The following ANGPTL5 variants were observed in gnomAD, a reference collection of about 807,000 sequenced individuals.
ANGPTL5 encodes angiopoietin like 5, also known as angiopoietin-related protein 5.
ANGPTL5 carries 34 observed loss-of-function variants against 39.4 expected under a neutral mutation model. The observed-to-expected ratio is 0.86, with a 90% CI of 0.66 to 1.15. ANGPTL5 has a LOEUF of 1.15. Among genes scored for constraint, ANGPTL5 ranks in the 50% most tolerant of loss-of-function variants. ANGPTL5 has a pLI of 0.00. For missense variants in ANGPTL5, 467 were observed against 457.5 expected, an observed-to-expected ratio of 1.02 and a Z score of -0.19; for synonymous variants, 146 against 152.1, an observed-to-expected ratio of 0.96 and a Z score of 0.29.
intron 1 of ANGPTL5, chr11:101,915,118 A>T (rs1940171435): frequency 3.0e-6 from 3 of 1,016,712 alleles, no homozygotes; most frequent in Admixed American, 2.9e-5. Flanking sequence ...TACAGGCACC[A>T]GTGCCGCTGC....
chr11:101,896,235 T>C (rs958163338), intron 7 of ANGPTL5, among the ~76,000 whole-genome samples: 4 of 151,872 alleles, frequency 2.6e-5, no homozygotes, highest in Non-Finnish European at 5.9e-5. Context: ...CAGGCTACGG[T>C]GCAGTAGTGC....
intron 8 of ANGPTL5, among the ~76,000 whole-genome samples, chr11:101,893,580 G>C (rs1000039510): frequency 6.6e-6 from 1 of 152,116 alleles, no homozygotes; most frequent in African/African-American, 2.4e-5. Flanking sequence ...AAAAACTTTT[G>C]CCATTATCAA....
chr11:101,898,902 C>G (rs1939844998), intron 7 of ANGPTL5, among the ~76,000 whole-genome samples: 1 of 152,138 alleles, frequency 6.6e-6, no homozygotes, highest in South Asian at 2.1e-4. Context: ...TTGAGATAAT[C>G]ATGTAATTTT....
chr11:101,893,530 G>T (rs1056499870), intron 8 of ANGPTL5, among the ~76,000 whole-genome samples: 1 of 152,178 alleles, frequency 6.6e-6, no homozygotes, highest in Non-Finnish European at 1.5e-5. Context: ...TTGGGAAAAT[G>T]TAGAGTACAG....
At chr11:101,909,927 C>A (rs1019985875) in intron 1 of ANGPTL5, among the ~76,000 whole-genome samples, 1 of 152,094 alleles carries the variant, frequency 6.6e-6, no homozygotes, top group African/African-American at 2.4e-5. Context: ...TCAGAGTATA[C>A]CCAAATAAGA....
chr11:101,912,838 T>C (rs369245487), intron 1 of ANGPTL5, among the ~76,000 whole-genome samples: 1 of 152,144 alleles, frequency 6.6e-6, no homozygotes, highest in Non-Finnish European at 1.5e-5. Flanking sequence ...TTGGACACAA[T>C]TGACCAGGAT....
Position 101,890,678 on chromosome 11 carries a change from G to A in ANGPTL5, c.*601C>T, listed in dbSNP as rs1166899856. On this transcript the variant is annotated 3_prime_UTR_variant, in exon 9 of 9. Transcript: ENST00000334289. ...CGTATTTTAGAATGCAGCTGATCAG[G>A]ATATAAAAGTACATATATTTATTAC... The A allele has an allele frequency of 1.3e-5, 2 of 152,268 alleles. No individual in the cohort carries two copies. The highest frequency in any genetic ancestry group is 2.9e-5 in the Non-Finnish European group (2 of 68,142). 9.4% of individuals were successfully genotyped at this position (152,268 alleles called of 1,614,324 possible). A position where few individuals can be genotyped will look rare whatever the true frequency, so the allele number is the denominator to read the frequency against.
chr11:101,911,404 G>T (rs180888225), intron 1 of ANGPTL5, among the ~76,000 whole-genome samples: 73 of 152,090 alleles, frequency 4.8e-4, no homozygotes, highest in African/African-American at 1.5e-3. Context: ...GATTACAGGC[G>T]TGAGCCACCA....
chr11:101,907,461 C>T (rs941960319), intron 2 of ANGPTL5, among the ~76,000 whole-genome samples: 1 of 151,950 alleles, frequency 6.6e-6, no homozygotes, highest in Non-Finnish European at 1.5e-5. Flanking sequence ...TCCTGGGTAG[C>T]CACTCACAGG....
chr11:101,907,922 T>G lies in ANGPTL5; in HGVS notation c.-13A>C. On this transcript the variant is annotated 5_prime_UTR_variant, in exon 2 of 9. Transcript: ENST00000334289. ...ATGGAGACATCATATTTTTCTTGGA[T>G]AGATGAAAACACTTCTTCAAATATC... 6.5e-7 allele frequency: 1 copy of G among 1,545,250 alleles called. No homozygotes were observed. The highest frequency in any genetic ancestry group is 8.9e-7 in the Non-Finnish European group (1 of 1,118,302).
In ANGPTL5 at chr11:101,904,886, CT is replaced by C; in HGVS notation, c.366del (p.Val123PhefsTer4). ...LSNQVNELMNRVLLLTTEVFR... is the reference protein window; with the variant it reads ...LSNQVNELMNXVLLLTTEVFR... ...AAAACTTCTGTAGTCAAAAGGAGAA[CT>C]CTATTCATGAGCTCGTTAACCTAAA... On this transcript the variant is annotated frameshift_variant, in exon 5 of 9. Coordinates refer to ENST00000334289, the MANE Select transcript of ANGPTL5 (RefSeq NM_178127.5). LOFTEE classifies it high-confidence loss of function. 6.2e-7 allele frequency: 1 copy of C among 1,613,374 alleles called. No homozygotes were observed. Among genetic ancestry groups the C allele is most frequent in the Non-Finnish European group, 8.5e-7 (1 of 1,179,454 alleles).
intron 8 of ANGPTL5, among the ~76,000 whole-genome samples, chr11:101,891,826 C>A (rs894239790): frequency 2.0e-4 from 30 of 152,170 alleles, no homozygotes; most frequent in African/African-American, 6.5e-4. Context: ...ATATAAAAGT[C>A]ACAGTCCAAA....
chr11:101,910,137 G>A (rs924669932), intron 1 of ANGPTL5, among the ~76,000 whole-genome samples: 11 of 152,008 alleles, frequency 7.2e-5, no homozygotes, highest in African/African-American at 1.9e-4. Context: ...CAGGCTGGGC[G>A]CGGTGGCTCA....
chr11:101,908,922 T>G (rs1940046679), intron 1 of ANGPTL5, among the ~76,000 whole-genome samples: 1 of 152,150 alleles, frequency 6.6e-6, no homozygotes, highest in African/African-American at 2.4e-5. Context: ...GACCACTCTT[T>G]GAAGGTTGAT....
chr11:101,915,988 T>C (rs1405224290), intron 1 of ANGPTL5, 31 bp downstream of exon 1: 4 of 152,262 alleles, frequency 2.6e-5, no homozygotes, highest in Non-Finnish European at 4.4e-5. Flanking sequence ...GGATTAACTC[T>C]GACTTTTCTC....
chr11:101,904,240 T>C (rs931155666), intron 5 of ANGPTL5, among the ~76,000 whole-genome samples: 4 of 152,212 alleles, frequency 2.6e-5, no homozygotes, highest in Non-Finnish European at 5.9e-5. Flanking sequence ...GATCATGTTC[T>C]AGGCCCTCAA....
chr11:101,915,377 G>A (rs1189750789), intron 1 of ANGPTL5: 1 of 1,613,850 alleles, frequency 6.2e-7, no homozygotes, highest in South Asian at 1.1e-5. Flanking sequence ...TCGGCCCTCG[G>A]GAGAGCGGCG....
At chr11:101,915,156 C>A in intron 1 of ANGPTL5, 2 of 1,428,660 alleles carry the variant, frequency 1.4e-6, no homozygotes, top group South Asian at 1.3e-5. Context: ...CGAGGCCAAC[C>A]CTTCCGCGCC....
At chr11:101,901,837 A>T (rs1224246694) in intron 6 of ANGPTL5, among the ~76,000 whole-genome samples, 1 of 152,102 alleles carries the variant, frequency 6.6e-6, no homozygotes. Flanking sequence ...CTTAGAAAAA[A>T]AGTGACTTTA....
Sources: allele counts gnomAD v4.1 joint callset (sites outside exome capture counted in the v4.1 genomes callset), GRCh38; gene constraint gnomAD v4.1.1; transcripts MANE v1.5; gene names NCBI Gene and HGNC (gene_info 2026-07-23, HGNC 2026-07-21).